The following RHBDL3 variants were observed in gnomAD, a reference collection of about 807,000 sequenced individuals.
RHBDL3 encodes rhomboid like 3, also known as rhomboid-related protein 3.
Under a neutral mutation model 48.2 loss-of-function variants are expected in RHBDL3, and 28 were observed. That is an observed-to-expected ratio of 0.58 (90% CI 0.43 to 0.80). The LOEUF is 0.80. Ranked by LOEUF, RHBDL3 falls within the 30% of genes least tolerant of loss-of-function variation. The probability of loss-of-function intolerance (pLI) is 0.00; values close to 1 mark genes in which losing one functional copy is unlikely to be tolerated. For missense variants in RHBDL3, 464 were observed against 542.7 expected (o/e 0.85, Z 1.44); for synonymous variants, 208 against 232.3 (o/e 0.90, Z 0.95).
rs2039621896 is a variant in RHBDL3 at position 32,266,143 on chromosome 17, CG to C, written c.-44del. The C allele has an allele frequency of 5.3e-6, 4 of 751,308 alleles. No individual in the cohort carries two copies. Among genetic ancestry groups the C allele is most frequent in the Admixed American group, 5.4e-5 (1 of 18,574 alleles). 46.5% of individuals were successfully genotyped at this position (751,308 alleles called of 1,614,324 possible). A position where few individuals can be genotyped will look rare whatever the true frequency, so the allele number is the denominator to read the frequency against. On this transcript the variant is annotated 5_prime_UTR_variant, in exon 1 of 9. Transcript: ENST00000269051. The stretch of plus-strand genomic sequence containing the variant: ...GCGGCGCAAAGTTAGCCCGGCGCCC[CG>C]GGACGAGCCCCGCAGCCGCCGCCGC...
chr17:32,306,304 G>A (rs944335870), intron 7 of RHBDL3, among the ~76,000 whole-genome samples: 2 of 152,116 alleles, frequency 1.3e-5, no homozygotes, highest in Admixed American at 1.3e-4. Flanking sequence ...CGCTCCTGTA[G>A]TCCCAGCTAC....
chr17:32,278,568 G>A (rs896697893), intron 2 of RHBDL3, among the ~76,000 whole-genome samples: 7 of 152,180 alleles, frequency 4.6e-5, no homozygotes, highest in African/African-American at 1.4e-4. Context: ...TTGGATGAGG[G>A]TCTCTCAAAC....
chr17:32,277,650 T>G (rs968337729), intron 2 of RHBDL3, among the ~76,000 whole-genome samples: 2 of 152,234 alleles, frequency 1.3e-5, no homozygotes, highest in Admixed American at 1.3e-4. Context: ...AAGTGTCAGC[T>G]GCTCGGAGAC....
At position 32,321,143 on chromosome 17, in the gene RHBDL3, A is replaced by AT; in HGVS notation, c.1130dup (p.Met377IlefsTer87). The AT allele has an allele frequency of 6.2e-7, 1 of 1,614,026 alleles. No individual in the cohort carries two copies. The highest frequency in any genetic ancestry group is 8.5e-7 in the Non-Finnish European group (1 of 1,179,838). ...GTCACTGTGGTGGATTTTTGTGGCC[A>AT]TGTACACCGTCTTCGTGCTGTTCGC... On this transcript the variant is annotated frameshift_variant, in exon 9 of 9. Transcript: ENST00000269051. LOFTEE classifies it high-confidence loss of function.
At chr17:32,317,955 T>C (rs1432463338) in intron 8 of RHBDL3, among the ~76,000 whole-genome samples, 2 of 151,248 alleles carry the variant, frequency 1.3e-5, no homozygotes, top group Non-Finnish European at 2.9e-5. Flanking sequence ...ACGCCTGTAA[T>C]CCCAGCACTT....
chr17:32,309,431 A>G (rs2040788468), intron 7 of RHBDL3, among the ~76,000 whole-genome samples: 1 of 152,154 alleles, frequency 6.6e-6, no homozygotes, highest in South Asian at 2.1e-4. Context: ...GCATACCTGT[A>G]ATCCCAGCTA....
intron 5 of RHBDL3, among the ~76,000 whole-genome samples, chr17:32,296,859 G>T (rs1490171293): frequency 2.0e-5 from 3 of 149,612 alleles, no homozygotes; most frequent in African/African-American, 7.4e-5. Flanking sequence ...TTTTGCCCAG[G>T]CTGGAGTGCA....
At chr17:32,275,955 G>T (rs925359814) in intron 2 of RHBDL3, among the ~76,000 whole-genome samples, 3 of 152,118 alleles carry the variant, frequency 2.0e-5, no homozygotes, top group African/African-American at 7.2e-5. Context: ...TCCCACAGAG[G>T]CTTGAGGTCT....
chr17:32,291,476 T>A (rs2040327377), intron 4 of RHBDL3, among the ~76,000 whole-genome samples: 1 of 151,884 alleles, frequency 6.6e-6, no homozygotes, highest in African/African-American at 2.4e-5. Context: ...AGGTCAGGAT[T>A]TCAAGACCAG....
At chr17:32,286,060 G>A (rs1432057469) in intron 3 of RHBDL3, among the ~76,000 whole-genome samples, 3 of 152,188 alleles carry the variant, frequency 2.0e-5, no homozygotes, top group African/African-American at 4.8e-5. Flanking sequence ...GAGCTGAGCA[G>A]GGGAGGGGGA....
chr17:32,284,258 C>T (rs984223163), intron 2 of RHBDL3: 2 of 161,860 alleles, frequency 1.2e-5, no homozygotes, highest in East Asian at 1.8e-4. Context: ...TCCCTCTGGC[C>T]CAGTCCCCTT....
Position 32,289,468 on chromosome 17 carries a change from C to T in RHBDL3, c.519+452C>T, listed in dbSNP as rs536428910. On this transcript the variant is annotated intron_variant, in intron 4 of 8. Transcript: ENST00000269051. ...ATCAGAAATAACCAGACCTGCCTTC[C>T]CTCTCCCAGGACACCTTTATTTAAA... Among the ~76,000 whole-genome samples, 4 of 152,310 alleles carry T rather than the reference C, an allele frequency of 2.6e-5. No individual in the cohort carries two copies. The South Asian group carries it at 8.3e-4, about 32-fold the overall frequency.
intron 8 of RHBDL3, among the ~76,000 whole-genome samples, chr17:32,317,351 T>C (rs111362854): frequency 0.025 from 3,811 of 152,334 alleles, 73 homozygotes; most frequent in Non-Finnish European, 0.037. Flanking sequence ...ATATGTGCAC[T>C]CATGTGCATA....
intron 8 of RHBDL3, among the ~76,000 whole-genome samples, chr17:32,320,096 C>A (rs1000147363): frequency 1.3e-5 from 2 of 151,532 alleles, no homozygotes; most frequent in Admixed American, 6.6e-5. Flanking sequence ...AGTAAGACCT[C>A]ATCTCTACAA....
intron 7 of RHBDL3, among the ~76,000 whole-genome samples, chr17:32,310,883 CAA>C (rs11348841): frequency 2.7e-4 from 15 of 55,538 alleles, no homozygotes; most frequent in Admixed American, 4.5e-4. Flanking sequence ...GGCTCCATCT[CAA>C]AAAAAAAAAA....
chr17:32,315,663 C>T (rs1034260991), intron 7 of RHBDL3, among the ~76,000 whole-genome samples: 5 of 151,942 alleles, frequency 3.3e-5, no homozygotes, highest in African/African-American at 1.2e-4. Flanking sequence ...GAAACTTACT[C>T]TGAGCTAAAA....
At chr17:32,306,094 G>A (rs2150741503) in intron 7 of RHBDL3, among the ~76,000 whole-genome samples, 1 of 152,282 alleles carries the variant, frequency 6.6e-6, no homozygotes, top group East Asian at 1.9e-4. Context: ...GTGGCAAAAT[G>A]AGGGCTTAAA....
intron 6 of RHBDL3, among the ~76,000 whole-genome samples, chr17:32,302,301 C>T (rs968048747): frequency 6.6e-6 from 1 of 152,186 alleles, no homozygotes; most frequent in South Asian, 2.1e-4. Flanking sequence ...TGGTCTCTCC[C>T]AGTTGCTCTA....
chr17:32,271,968 A>G (rs745358286), intron 2 of RHBDL3, among the ~76,000 whole-genome samples: 3 of 152,204 alleles, frequency 2.0e-5, no homozygotes, highest in Non-Finnish European at 4.4e-5. Context: ...TTGGATTTGG[A>G]GTCAGATAGA....
Sources: allele counts gnomAD v4.1 joint callset (sites outside exome capture counted in the v4.1 genomes callset), GRCh38; gene constraint gnomAD v4.1.1; transcripts MANE v1.5; gene names NCBI Gene and HGNC (gene_info 2026-07-23, HGNC 2026-07-21).